MTF2: variants seen among roughly 807,000 people sequenced by gnomAD.
The protein encoded by MTF2 is metal response element binding transcription factor 2, also known as metal-response element-binding transcription factor 2.
MTF2 carries 11 observed loss-of-function variants against 79.5 expected under a neutral mutation model. The observed-to-expected ratio is 0.14, with a 90% CI of 0.09 to 0.23. The LOEUF (loss-of-function observed/expected upper bound fraction) is 0.23, where lower values mean the gene tolerates loss of function less well. Ranked by LOEUF, MTF2 falls within the 10% of genes least tolerant of loss-of-function variation. The pLI, the probability that MTF2 is intolerant of heterozygous loss-of-function variation, is 1.00. For synonymous variants in MTF2, 208 were observed against 232.8 expected (o/e 0.89, Z 0.97); for missense variants, 486 against 711.2 (o/e 0.68, Z 3.60).
intron 1 of MTF2, among the ~76,000 whole-genome samples, chr1:93,099,626 A>G (rs1217954240): frequency 6.6e-6 from 1 of 152,178 alleles, no homozygotes; most frequent in Non-Finnish European, 1.5e-5. Context: ...TGAAATAGAT[A>G]TGCAAGGTTT....
At chr1:93,101,574 T>TTTTTTGG (rs1279545870) in intron 1 of MTF2, among the ~76,000 whole-genome samples, 3 of 88,258 alleles carry the variant, frequency 3.4e-5, no homozygotes, top group African/African-American at 1.5e-4. Context: ...GCTGGTTTTT[T>TTTTTTGG]TTTTTTTTTT....
intron 14 of MTF2, among the ~76,000 whole-genome samples, chr1:93,135,964 ATGACTG>A (rs1260895851): frequency 6.6e-6 from 1 of 152,232 alleles, no homozygotes; most frequent in Non-Finnish European, 1.5e-5. Flanking sequence ...CTTATACAGT[ATGACTG>A]TAGGTCTTTC....
intron 1 of MTF2, among the ~76,000 whole-genome samples, chr1:93,100,187 A>G (rs919641910): frequency 6.6e-6 from 1 of 152,232 alleles, no homozygotes; most frequent in Non-Finnish European, 1.5e-5. Context: ...CTCTGAGAGT[A>G]AGACTGGAAT....
chr1:93,089,663 A>G (rs1380058039), intron 1 of MTF2, among the ~76,000 whole-genome samples: 1 of 151,994 alleles, frequency 6.6e-6, no homozygotes. Flanking sequence ...GGATATCTTC[A>G]CACTTCAGCC....
intron 14 of MTF2, among the ~76,000 whole-genome samples, chr1:93,136,107 G>A (rs959072613): frequency 4.6e-5 from 7 of 152,136 alleles, no homozygotes; most frequent in African/African-American, 1.7e-4. Context: ...TGAACATAGA[G>A]ATTGAGATTT....
At chr1:93,106,563 A>T (rs1022580288) in intron 1 of MTF2, among the ~76,000 whole-genome samples, 1 of 147,040 alleles carries the variant, frequency 6.8e-6, no homozygotes, top group Non-Finnish European at 1.5e-5. Flanking sequence ...TTTGTTGCCC[A>T]GGCTGGAGTG....
chr1:93,091,933 A>G (rs1391893706), intron 1 of MTF2, among the ~76,000 whole-genome samples: 1 of 152,136 alleles, frequency 6.6e-6, no homozygotes, highest in African/African-American at 2.4e-5. Context: ...ACATATTAAA[A>G]TCTCCAAGAA....
intron 1 of MTF2, among the ~76,000 whole-genome samples, chr1:93,085,376 A>T (rs1360929500): frequency 6.6e-6 from 1 of 150,534 alleles, no homozygotes; most frequent in Non-Finnish European, 1.5e-5. Context: ...ACGGGGTTTC[A>T]CCATGTTGGC....
At chr1:93,108,340 A>T (rs1031717842) in intron 1 of MTF2, among the ~76,000 whole-genome samples, 2 of 152,142 alleles carry the variant, frequency 1.3e-5, no homozygotes, top group Non-Finnish European at 2.9e-5. Context: ...TTTCAATCGT[A>T]GTAGTATTCA....
intron 11 of MTF2, among the ~76,000 whole-genome samples, chr1:93,130,946 A>AACACACAC (rs60658361): frequency 1.3e-5 from 2 of 148,896 alleles, no homozygotes; most frequent in Non-Finnish European, 3.0e-5. Context: ...ATGAGGGACA[A>AACACACAC]ACACACACAC....
rs773797736 is a variant in MTF2 at position 93,120,709 on chromosome 1, A to C, written c.921+37A>C. The C allele has an allele frequency of 3.1e-6, 5 of 1,588,042 alleles. No homozygotes were observed. The Admixed American group carries it at 7.6e-5, about 24-fold the overall frequency. ...GAGAACTAACTTCAGTAGCTACTTG[A>C]TGTCTTTTTTGTTTTGTTTTGTTTT... On this transcript the variant is annotated intron_variant, in intron 9 of 14. Coordinates refer to ENST00000370298, the MANE Select transcript of MTF2 (RefSeq NM_007358.4).
intron 3 of MTF2, 55 bp from the exon 4 acceptor site, chr1:93,114,633 T>C: frequency 7.1e-7 from 1 of 1,402,022 alleles, no homozygotes; most frequent in Non-Finnish European, 9.9e-7. Context: ...AAAAGTGGTT[T>C]TGTTTTATGG....
rs1386344233 is a variant in MTF2, at chr1:93,127,321, A to G, written c.989+22A>G. On this transcript the variant is annotated intron_variant, in intron 10 of 14. Coordinates refer to ENST00000370298, the MANE Select transcript of MTF2 (RefSeq NM_007358.4). ...CCATGTAAGTTGATTTATTTTATGTATCCCTATGAGGGAGACATTTAGTAA... is the reference window on the plus strand; with the variant it reads ...CCATGTAAGTTGATTTATTTTATGTGTCCCTATGAGGGAGACATTTAGTAA... 2.7e-6 allele frequency: 4 copies of G among 1,455,566 alleles called. No homozygotes were observed. In the African/African-American group the frequency reaches 4.2e-5, roughly 15 times the overall value. The allele number at this position is 1,455,566 out of a possible 1,614,324, so 90.2% of individuals were successfully genotyped here.
chr1:93,134,068 C>G (rs1305984462), intron 13 of MTF2, 23 bp from the exon 14 acceptor site: 1 of 1,573,164 alleles, frequency 6.4e-7, no homozygotes, highest in Non-Finnish European at 8.7e-7. Context: ...AGTCGTTACA[C>G]AATTTAAATT....
intron 14 of MTF2, among the ~76,000 whole-genome samples, chr1:93,136,136 G>A (rs1647384162): frequency 6.6e-6 from 1 of 152,272 alleles, no homozygotes; most frequent in South Asian, 2.1e-4. Flanking sequence ...CCAAGTAATA[G>A]AGTTAGGGAT....
At chr1:93,082,646 A>G (rs1282981793) in intron 1 of MTF2, among the ~76,000 whole-genome samples, 2 of 152,188 alleles carry the variant, frequency 1.3e-5, no homozygotes, top group East Asian at 3.8e-4. Flanking sequence ...GAAATGCACA[A>G]ATCTTAACTG....
At chr1:93,100,426 T>A (rs1655481984) in intron 1 of MTF2, among the ~76,000 whole-genome samples, 1 of 152,140 alleles carries the variant, frequency 6.6e-6, no homozygotes, top group Admixed American at 6.6e-5. Flanking sequence ...TGCCTCAGCC[T>A]CCTGAGTAGC....
chr1:93,095,688 C>G (rs988759307), intron 1 of MTF2, among the ~76,000 whole-genome samples: 4 of 140,400 alleles, frequency 2.8e-5, no homozygotes, highest in African/African-American at 1.1e-4. Flanking sequence ...TGGAGTCTCG[C>G]TCTGTCACCC....
At chr1:93,134,384 G>A in intron 14 of MTF2, 189 bp downstream of exon 14, 1 of 543,946 alleles carries the variant, frequency 1.8e-6, no homozygotes, top group Non-Finnish European at 3.2e-6. Context: ...TTGCTTTCTA[G>A]AGTACAAATG....
Sources: gnomAD v4.1 joint callset for allele counts (sites outside exome capture counted in the v4.1 genomes callset) on GRCh38, gnomAD v4.1.1 for gene constraint, MANE v1.5 for transcripts, NCBI Gene and HGNC (gene_info 2026-07-23, HGNC 2026-07-21) for gene names.